Variants in RASA3 observed in about 807,000 individuals in gnomAD.
RASA3 encodes the protein RAS p21 protein activator 3.
A neutral mutation model predicts 110.0 loss-of-function variants in RASA3; 73 were observed. The ratio of observed to expected loss-of-function variants is 0.66; its 90% CI spans 0.55 to 0.81. The LOEUF is 0.81. RASA3 is among the 30% of genes least tolerant of loss of function. The pLI, the probability that RASA3 is intolerant of heterozygous loss-of-function variation, is 0.00. For synonymous variants in RASA3, 500 were observed against 451.4 expected (o/e 1.11, Z -1.37); for missense variants, 976 against 1,113.2 (o/e 0.88, Z 1.75).
At chr13:114,076,921 C>T (rs2079694773) in intron 1 of RASA3, among the ~76,000 whole-genome samples, 1 of 152,134 alleles carries the variant, frequency 6.6e-6, no homozygotes, top group African/African-American at 2.4e-5. Flanking sequence ...ACCATATTTC[C>T]CTTGGGATTT....
At chr13:114,032,609 G>C (rs917711592) in intron 4 of RASA3, among the ~76,000 whole-genome samples, 1 of 151,926 alleles carries the variant, frequency 6.6e-6, no homozygotes. Flanking sequence ...ACACCGCGTC[G>C]GTGCAGCCCC....
intron 7 of RASA3, among the ~76,000 whole-genome samples, chr13:114,025,318 C>G (rs978012040): frequency 2.0e-5 from 3 of 152,190 alleles, no homozygotes; most frequent in African/African-American, 7.2e-5. Flanking sequence ...CTGCTGACGC[C>G]TCCTCCTTCC....
chr13:113,998,484 T>C (rs1428133536), intron 20 of RASA3, among the ~76,000 whole-genome samples: 2 of 152,246 alleles, frequency 1.3e-5, no homozygotes, highest in Non-Finnish European at 2.9e-5. Flanking sequence ...ATGACCCTCA[T>C]GCTGCAGTCG....
chr13:114,124,579 T>G (rs2080420877), intron 1 of RASA3, among the ~76,000 whole-genome samples: 1 of 152,186 alleles, frequency 6.6e-6, no homozygotes. Flanking sequence ...CTGTCACAGG[T>G]GACGTAACCC....
chr13:113,982,549 T>C (rs11147309), intron 22 of RASA3, among the ~76,000 whole-genome samples: 45,443 of 152,178 alleles, frequency 0.3, 7,532 homozygotes, highest in Non-Finnish European at 0.37. Flanking sequence ...CAGGGCCCTG[T>C]GCCACCTGAG....
At chr13:114,015,095 C>T (rs1356819876) in intron 14 of RASA3, 114 bp downstream of exon 14, 9 of 1,397,912 alleles carry the variant, frequency 6.4e-6, no homozygotes, top group South Asian at 1.3e-5. Context: ...CTGGGGTTCA[C>T]GACCCCGCAG....
intron 21 of RASA3, among the ~76,000 whole-genome samples, chr13:113,995,958 C>A (rs3892257): frequency 3.1e-4 from 5 of 15,982 alleles, no homozygotes; most frequent in African/African-American, 5.8e-4. Flanking sequence ...ATGGGGGGCC[C>A]GGCTGATGGG....
chr13:114,029,835 AC>A lies in RASA3; in HGVS notation c.424del (p.Val142SerfsTer19). On this transcript the variant is annotated frameshift_variant, in exon 5 of 24. Transcript: ENST00000334062. LOFTEE classifies it high-confidence loss of function. ...RLSEVITDTGVVCHKLATRIV... is the reference protein window; with the variant it reads ...RLSEVITDTGXVCHKLATRIV... ...CCGTGTGGCGAGCTTGTGGCAGACG[AC>A]CCCAGTGTCTGTGATGACCTCGCTC... The A allele has an allele frequency of 6.3e-7, 1 of 1,589,178 alleles. No homozygotes were observed.
At chr13:114,007,649 T>A (rs377200634) in intron 17 of RASA3, 43 bp from the exon 18 acceptor site, 1 of 1,498,938 alleles carries the variant, frequency 6.7e-7, no homozygotes, top group Non-Finnish European at 9.3e-7. Context: ...AAGCCACACA[T>A]CTGACGTGCA....
rs369390396 is a variant in RASA3 at position 114,005,834 on chromosome 13, C to T, written c.1742+1699G>A. 4.5e-3 allele frequency among the ~76,000 whole-genome samples: 133 copies of T among 29,718 alleles called. 6 individuals are homozygous for T. Among genetic ancestry groups the T allele is most frequent in the African/African-American group, 0.035 (81 of 2,306 alleles). The allele number at this position is 29,718 out of a possible 152,430, so 19.5% of individuals were successfully genotyped here. On this transcript the variant is annotated intron_variant, in intron 18 of 23. Coordinates refer to ENST00000334062, the MANE Select transcript of RASA3 (RefSeq NM_007368.4). ...CCTTCTCCCCTCCTGCCCTGCCGGA[C>T]GCCACCTTACCCTTCTCCCCTCCTG...
chr13:114,042,655 C>T (rs1454380607), intron 3 of RASA3, among the ~76,000 whole-genome samples: 1 of 152,242 alleles, frequency 6.6e-6, no homozygotes, highest in Non-Finnish European at 1.5e-5. Context: ...CACGCCAGGA[C>T]AGCGCAGCCC....
rs1488809751 is a variant in RASA3, at chr13:114,011,914, CTG to C, written c.1513-668_1513-667del. On this transcript the variant is annotated intron_variant, in intron 15 of 23. Coordinates refer to ENST00000334062, the MANE Select transcript of RASA3 (RefSeq NM_007368.4). The surrounding 1 kb of genome is among the most constrained non-coding windows in gnomAD (Gnocchi z 4.8). ...GCCAGCCTGGTGACAGAGCAAGACT[CTG>C]TCTCAAAAAAAAAGAAGTGCTGGGG... is the stretch of plus-strand genomic sequence containing the variant. Among the ~76,000 whole-genome samples the C allele has an allele frequency of 6.6e-6, 1 of 151,548 alleles. No individual in the cohort carries two copies. The highest frequency in any genetic ancestry group is 2.4e-5 in the African/African-American group (1 of 41,164).
At chr13:114,010,407 T>C (rs1296875276) in intron 16 of RASA3, among the ~76,000 whole-genome samples, 2 of 151,966 alleles carry the variant, frequency 1.3e-5, no homozygotes, top group Non-Finnish European at 2.9e-5. Flanking sequence ...CCAGGAGCAC[T>C]GCCCCCGGGA....
chr13:114,059,084 C>T (rs904178255), intron 2 of RASA3, among the ~76,000 whole-genome samples: 13 of 152,312 alleles, frequency 8.5e-5, no homozygotes, highest in South Asian at 6.2e-4. Flanking sequence ...TGCAGCGAAG[C>T]GGAGGATTGC....
intron 1 of RASA3, among the ~76,000 whole-genome samples, chr13:114,076,907 G>C (rs1471764791): frequency 6.6e-6 from 1 of 152,178 alleles, no homozygotes; most frequent in African/African-American, 2.4e-5. Flanking sequence ...GTGACCTGAC[G>C]CTGACCATAT....
At position 114,048,627 on chromosome 13, in the gene RASA3, C is replaced by T. The variant is rs1326118465; in HGVS notation, c.277+3425G>A. ...GAGGGCAGCGCCCGGCAGCCGAGTC[C>T]AGGCAGAGGCCGCCTCCCTGCGCCT... On this transcript the variant is annotated intron_variant, in intron 3 of 23. Coordinates refer to ENST00000334062, the MANE Select transcript of RASA3 (RefSeq NM_007368.4). The surrounding 1 kb of genome is among the most constrained non-coding windows in gnomAD (Gnocchi z 4.3). Among the ~76,000 whole-genome samples the T allele has an allele frequency of 1.3e-5, 2 of 152,188 alleles. No homozygotes were observed. Among genetic ancestry groups the T allele is most frequent in the Non-Finnish European group, 2.9e-5 (2 of 68,016 alleles).
At chr13:114,070,327 T>C (rs7981577) in intron 2 of RASA3, among the ~76,000 whole-genome samples, 72,366 of 151,796 alleles carry the variant, frequency 0.48, 17,453 homozygotes, top group African/African-American at 0.56. Flanking sequence ...CCCCAGCATG[T>C]GGGGCAGCCC....
chr13:113,992,703 G>A, intron 21 of RASA3, 115 bp from the exon 22 acceptor site: 2 of 847,532 alleles, frequency 2.4e-6, no homozygotes, highest in African/African-American at 1.7e-5. Flanking sequence ...TGTTGGAAGT[G>A]AAATTCGACA....
In RASA3 at chr13:114,112,811, G is replaced by C. The variant is rs2080236059; in HGVS notation, c.55+19624C>G. On this transcript the variant is annotated intron_variant, in intron 1 of 23. Coordinates refer to ENST00000334062, the MANE Select transcript of RASA3 (RefSeq NM_007368.4). The surrounding 1 kb of genome is among the most constrained non-coding windows in gnomAD (Gnocchi z 4.8). Reference sequence around the variant, plus strand: ...ATCTGAGGCAGAGGCACCGCTGTGGGCTCATCTCTCAGCTCAAAGGGTTTC... The same window carrying C: ...ATCTGAGGCAGAGGCACCGCTGTGGCCTCATCTCTCAGCTCAAAGGGTTTC... Among the ~76,000 whole-genome samples, 1 of 152,070 alleles carries C rather than the reference G, an allele frequency of 6.6e-6. No homozygotes were observed. Among genetic ancestry groups the C allele is most frequent in the Non-Finnish European group, 1.5e-5 (1 of 68,018 alleles).
Sources: allele counts gnomAD v4.1 joint callset (sites outside exome capture counted in the v4.1 genomes callset), GRCh38; gene constraint gnomAD v4.1.1; non-coding constraint Gnocchi (gnomAD v3.1); transcripts MANE v1.5; gene names NCBI Gene and HGNC (gene_info 2026-07-23, HGNC 2026-07-21).